The following SIN3A variants were observed in gnomAD, a reference collection of about 807,000 sequenced individuals.
SIN3A encodes paired amphipathic helix protein Sin3a.
Under a neutral mutation model 146.1 loss-of-function variants are expected in SIN3A, and 14 were observed. That is an observed-to-expected ratio of 0.10 (90% CI 0.06 to 0.15). The LOEUF (loss-of-function observed/expected upper bound fraction) is 0.15, where lower values mean the gene tolerates loss of function less well. Among genes scored for constraint, SIN3A ranks in the 10% least tolerant of loss-of-function variants. SIN3A has a pLI of 1.00. For synonymous variants in SIN3A, 572 were observed against 572.0 expected, an observed-to-expected ratio of 1.00 and a Z score of 0.00; for missense variants, 1,028 against 1,576.0, an observed-to-expected ratio of 0.65 and a Z score of 5.89.
chr15:75,398,021 T>G (rs2073336820), intron 12 of SIN3A, among the ~76,000 whole-genome samples: 1 of 152,180 alleles, frequency 6.6e-6, no homozygotes, highest in Admixed American at 6.5e-5. Flanking sequence ...AGGCAGCATG[T>G]GGTTCTCAAT....
intron 19 of SIN3A, among the ~76,000 whole-genome samples, chr15:75,378,726 C>T (rs866159803): frequency 2.6e-5 from 4 of 152,056 alleles, no homozygotes; most frequent in Non-Finnish European, 5.9e-5. Flanking sequence ...ATACATAATG[C>T]AACAGATTGA....
chr15:75,445,665 G>A (rs2074293973), intron 1 of SIN3A, among the ~76,000 whole-genome samples: 2 of 150,992 alleles, frequency 1.3e-5, no homozygotes, highest in South Asian at 2.1e-4. Context: ...ATCACTTGAA[G>A]CTGGGTGTGT....
At chr15:75,437,177 CTTTTT>C (rs5813801) in intron 1 of SIN3A, among the ~76,000 whole-genome samples, 4 of 145,134 alleles carry the variant, frequency 2.8e-5, no homozygotes, top group African/African-American at 1.0e-4. Context: ...TCCCAGAACC[CTTTTT>C]TTTTTTTTGC....
intron 9 of SIN3A, among the ~76,000 whole-genome samples, chr15:75,405,523 G>A (rs1388946247): frequency 6.6e-6 from 1 of 152,020 alleles, no homozygotes; most frequent in Admixed American, 6.6e-5. Context: ...GGGAGGCTGA[G>A]GTGGATCACC....
intron 1 of SIN3A, among the ~76,000 whole-genome samples, chr15:75,444,480 G>C (rs1389584170): frequency 5.3e-5 from 8 of 151,960 alleles, no homozygotes; most frequent in Admixed American, 5.2e-4. Context: ...TCTCTTTGCT[G>C]TTTTGAAGAC....
At chr15:75,445,571 AAAAT>A (rs142196101) in intron 1 of SIN3A, among the ~76,000 whole-genome samples, 5 of 150,626 alleles carry the variant, frequency 3.3e-5, no homozygotes, top group African/African-American at 7.3e-5. Context: ...ACTCCGTCTC[AAAAT>A]AAATAAATAA....
chr15:75,380,552 A>G (rs2072945011), intron 19 of SIN3A, 77 bp downstream of exon 19: 1 of 1,093,286 alleles, frequency 9.1e-7, no homozygotes, highest in South Asian at 1.3e-5. Context: ...GAAGGCCAAG[A>G]ACGTGAAAGT....
chr15:75,422,300 T>C (rs1595914966), intron 3 of SIN3A: 2 of 554,524 alleles, frequency 3.6e-6, no homozygotes, highest in East Asian at 5.8e-5. Flanking sequence ...TTTACTGTAC[T>C]AACCTGTAGC....
intron 1 of SIN3A, among the ~76,000 whole-genome samples, chr15:75,442,379 C>T (rs1046794308): frequency 6.7e-6 from 1 of 149,786 alleles, no homozygotes; most frequent in Non-Finnish European, 1.5e-5. Context: ...CACTATGTTG[C>T]CCAGGCTGGT....
intron 15 of SIN3A, among the ~76,000 whole-genome samples, chr15:75,390,363 A>T (rs2073176907): frequency 6.6e-6 from 1 of 152,228 alleles, no homozygotes; most frequent in Non-Finnish European, 1.5e-5. Flanking sequence ...GCATTTGTCA[A>T]AGTCCTTTTG....
At chr15:75,388,010 A>G (rs1005248726) in intron 16 of SIN3A, among the ~76,000 whole-genome samples, 2 of 152,138 alleles carry the variant, frequency 1.3e-5, no homozygotes, top group Non-Finnish European at 2.9e-5. Context: ...CTCTTCCTCA[A>G]TCCTGTGTAG....
chr15:75,404,929 A>G (rs1018702702), intron 9 of SIN3A, among the ~76,000 whole-genome samples: 8 of 151,990 alleles, frequency 5.3e-5, no homozygotes, highest in Non-Finnish European at 7.4e-5. Flanking sequence ...GGATTGCCTG[A>G]GCCCAGGAGT....
rs1436934268 is a variant in SIN3A, at chr15:75,410,284, T to C, written c.1011A>G (p.Lys337=). Residue 337 remains lysine, a splice_region_variant and synonymous_variant, in exon 7 of 21, where the codon AAA becomes AAG. Transcript: ENST00000394947. The part of the protein sequence containing the change: ...AFLEILHTYQ[K]EQRNAKEAGG... ...CAGCTTCCTTGGCATTTCTCTGCTC[T>C]TTCTGAGGAATTGCAAATGAAAAGA... is the stretch of plus-strand genomic sequence containing the variant. The C allele has an allele frequency of 1.2e-6, 2 of 1,610,512 alleles. No homozygotes were observed. The highest frequency in any genetic ancestry group is 1.7e-6 in the Non-Finnish European group (2 of 1,179,134).
chr15:75,411,879 A>G (rs1178342046), intron 5 of SIN3A, 136 bp from the exon 6 acceptor site: 10 of 815,042 alleles, frequency 1.2e-5, no homozygotes, highest in Non-Finnish European at 5.6e-6. Context: ...TTAGTCCAAC[A>G]CAAATCATAC....
At chr15:75,411,846 T>A (rs1567369040) in intron 5 of SIN3A, 103 bp from the exon 6 acceptor site, 4 of 1,281,824 alleles carry the variant, frequency 3.1e-6, no homozygotes, top group Non-Finnish European at 3.2e-6. Context: ...TATCCTTTAT[T>A]TACTCACTCA....
chr15:75,381,086 TAAA>T (rs11342034), intron 18 of SIN3A: 227 of 111,408 alleles, frequency 2.0e-3, no homozygotes, highest in South Asian at 8.9e-3. Flanking sequence ...TGACATCGCT[TAAA>T]AAAAAAAAAA....
intron 14 of SIN3A, among the ~76,000 whole-genome samples, chr15:75,393,970 G>A (rs965037440): frequency 2.0e-5 from 3 of 151,960 alleles, no homozygotes; most frequent in African/African-American, 7.3e-5. Context: ...ACCACGCCTG[G>A]CTAATTTTTG....
chr15:75,454,366 C>T (rs1172407396), upstream of SIN3A, among the ~76,000 whole-genome samples: 1 of 152,104 alleles, frequency 6.6e-6, no homozygotes, highest in Non-Finnish European at 1.5e-5. Context: ...CCCCTGCAGG[C>T]GGGTTGCACA....
intron 9 of SIN3A, among the ~76,000 whole-genome samples, chr15:75,403,797 C>T (rs1423374801): frequency 6.6e-6 from 1 of 152,078 alleles, no homozygotes; most frequent in Non-Finnish European, 1.5e-5. Context: ...CCACCCACCT[C>T]GGCCTCTCAA....
Sources: allele counts gnomAD v4.1 joint callset (sites outside exome capture counted in the v4.1 genomes callset), GRCh38; gene constraint gnomAD v4.1.1; transcripts MANE v1.5; gene names NCBI Gene and HGNC (gene_info 2026-07-23, HGNC 2026-07-21).